Variants in NRG3 observed in about 807,000 individuals in gnomAD.
NRG3 encodes the protein neuregulin 3, also known as pro-neuregulin-3, membrane-bound isoform.
NRG3 carries 31 observed loss-of-function variants against 66.9 expected under a neutral mutation model. The ratio of observed to expected loss-of-function variants is 0.46; its 90% CI spans 0.35 to 0.63. NRG3 has a LOEUF of 0.63. Ranked by LOEUF, NRG3 falls within the 20% of genes least tolerant of loss-of-function variation. The pLI is 0.00. For synonymous variants in NRG3, 393 were observed against 359.4 expected (o/e 1.09, Z -1.06); for missense variants, 910 against 878.9 (o/e 1.04, Z -0.45).
intron 2 of NRG3, among the ~76,000 whole-genome samples, chr10:82,425,595 T>G (rs996045707): frequency 2.0e-5 from 3 of 152,148 alleles, no homozygotes; most frequent in African/African-American, 7.2e-5. Context: ...TCAGGCTGTG[T>G]TTTTTATTTG....
chr10:81,973,379 A>G (rs1173708221), intron 1 of NRG3, among the ~76,000 whole-genome samples: 2 of 152,158 alleles, frequency 1.3e-5, no homozygotes, highest in Non-Finnish European at 2.9e-5. Flanking sequence ...ATGCATACAT[A>G]TGGCTTTATA....
At chr10:82,178,807 A>G (rs1267559538) in intron 1 of NRG3, among the ~76,000 whole-genome samples, 1 of 152,136 alleles carries the variant, frequency 6.6e-6, no homozygotes. Flanking sequence ...AGTGTTTTCC[A>G]TAGCATCTGC....
intron 3 of NRG3, among the ~76,000 whole-genome samples, chr10:82,773,598 C>G (rs1375421793): frequency 6.6e-6 from 1 of 151,870 alleles, no homozygotes; most frequent in African/African-American, 2.4e-5. Flanking sequence ...AATATAGATC[C>G]ATTTATTTAT....
intron 1 of NRG3, among the ~76,000 whole-genome samples, chr10:82,338,055 G>C (rs2082481612): frequency 6.6e-6 from 1 of 152,170 alleles, no homozygotes; most frequent in Admixed American, 6.5e-5. Flanking sequence ...ACATCTTACA[G>C]AGATGAATAA....
At chr10:82,315,395 C>T (rs2081241102) in intron 1 of NRG3, among the ~76,000 whole-genome samples, 1 of 152,154 alleles carries the variant, frequency 6.6e-6, no homozygotes, top group African/African-American at 2.4e-5. Context: ...GTAAAATAAG[C>T]ATAGCAATCA....
intron 1 of NRG3, among the ~76,000 whole-genome samples, chr10:81,881,799 G>T (rs1842206087): frequency 2.6e-5 from 4 of 151,382 alleles, no homozygotes. Flanking sequence ...TAGCATCTTT[G>T]CTTTTCTTTT....
intron 1 of NRG3, among the ~76,000 whole-genome samples, chr10:81,989,594 T>C (rs2060658009): frequency 6.6e-6 from 1 of 152,200 alleles, no homozygotes; most frequent in Non-Finnish European, 1.5e-5. Context: ...ATGGTTCATT[T>C]ATAAAGTCAT....
chr10:82,818,222 C>T (rs1033915927), intron 3 of NRG3, among the ~76,000 whole-genome samples: 2 of 152,226 alleles, frequency 1.3e-5, no homozygotes, highest in South Asian at 2.1e-4. Flanking sequence ...CATTTGTAAC[C>T]GTCATGGCAC....
chr10:82,232,499 C>T (rs1671816405), intron 1 of NRG3: 1 of 454,328 alleles, frequency 2.2e-6, no homozygotes, highest in Admixed American at 3.6e-5. Flanking sequence ...GGCTCTTCTC[C>T]TAACAGGTGC....
chr10:82,583,478 T>A (rs957614047), intron 2 of NRG3, among the ~76,000 whole-genome samples: 11 of 152,228 alleles, frequency 7.2e-5, no homozygotes, highest in African/African-American at 2.7e-4. Flanking sequence ...CTTCTATATT[T>A]ACGTGTGACT....
chr10:82,190,206 C>T (rs2074057843), intron 1 of NRG3, among the ~76,000 whole-genome samples: 1 of 152,014 alleles, frequency 6.6e-6, no homozygotes, highest in Admixed American at 6.5e-5. Context: ...ATTAGAATGT[C>T]TTCAAAAAGC....
intron 1 of NRG3, among the ~76,000 whole-genome samples, chr10:82,301,864 G>A (rs2080424121): frequency 6.6e-6 from 1 of 151,618 alleles, no homozygotes; most frequent in Non-Finnish European, 1.5e-5. Context: ...CTTTATTTAA[G>A]CTATTGATCA....
intron 8 of NRG3, among the ~76,000 whole-genome samples, chr10:82,979,520 T>G (rs1376282511): frequency 6.6e-6 from 1 of 152,124 alleles, no homozygotes; most frequent in African/African-American, 2.4e-5. Flanking sequence ...AAACAATAAC[T>G]CATGGCATAC....
intron 2 of NRG3, among the ~76,000 whole-genome samples, chr10:82,559,600 A>C (rs1183356140): frequency 2.0e-5 from 3 of 152,214 alleles, no homozygotes; most frequent in Non-Finnish European, 4.4e-5. Context: ...CCAGAAGGAC[A>C]GCTTGTATGT....
chr10:82,096,449 C>A (rs2066350737), intron 1 of NRG3, among the ~76,000 whole-genome samples: 1 of 151,968 alleles, frequency 6.6e-6, no homozygotes, highest in African/African-American at 2.4e-5. Context: ...GCACTCCAGC[C>A]TGGTGACAGA....
chr10:82,688,669 A>G (rs1041575292), intron 2 of NRG3, among the ~76,000 whole-genome samples: 5 of 152,198 alleles, frequency 3.3e-5, no homozygotes, highest in Non-Finnish European at 7.4e-5. Flanking sequence ...AGAAGTAAAC[A>G]AATTTCTGCA....
chr10:81,942,911 A>T (rs1456778266), intron 1 of NRG3, among the ~76,000 whole-genome samples: 1 of 152,216 alleles, frequency 6.6e-6, no homozygotes, highest in Non-Finnish European at 1.5e-5. Flanking sequence ...ACCTAGAAAC[A>T]TTAATATTAA....
chr10:82,817,419 C>T (rs904470140), intron 3 of NRG3, among the ~76,000 whole-genome samples: 12 of 152,212 alleles, frequency 7.9e-5, no homozygotes, highest in East Asian at 1.9e-4. Flanking sequence ...ATGCAAATTG[C>T]GATTTCATAT....
At chr10:82,324,178 G>A (rs1291999486) in intron 1 of NRG3, among the ~76,000 whole-genome samples, 1 of 151,998 alleles carries the variant, frequency 6.6e-6, no homozygotes, top group African/African-American at 2.4e-5. Flanking sequence ...TAATTTTTCT[G>A]TTTCATCAAA....
Sources: allele counts gnomAD v4.1 joint callset (sites outside exome capture counted in the v4.1 genomes callset), GRCh38; gene constraint gnomAD v4.1.1; transcripts MANE v1.5; gene names NCBI Gene and HGNC (gene_info 2026-07-23, HGNC 2026-07-21).